The following TPD52 variants were observed in gnomAD, a reference collection of about 807,000 sequenced individuals.
The protein encoded by TPD52 is tumor protein D52.
TPD52 carries 17 observed loss-of-function variants against 31.3 expected under a neutral mutation model. That is an observed-to-expected ratio of 0.54 (90% CI 0.37 to 0.82). The LOEUF (loss-of-function observed/expected upper bound fraction) is 0.82. Ranked by LOEUF, TPD52 falls within the 40% of genes least tolerant of loss-of-function variation. The pLI is 0.00. For synonymous variants in TPD52, 83 were observed against 89.6 expected, an observed-to-expected ratio of 0.93 and a Z score of 0.42; for missense variants, 212 against 240.1, an observed-to-expected ratio of 0.88 and a Z score of 0.77.
chr8:80,128,360 A>G (rs540152339), intron 1 of TPD52, among the ~76,000 whole-genome samples: 10 of 152,140 alleles, frequency 6.6e-5, no homozygotes, highest in African/African-American at 2.2e-4. Flanking sequence ...TGAATAGATA[A>G]TAATTTATCA....
intron 1 of TPD52, among the ~76,000 whole-genome samples, chr8:80,068,844 G>A (rs959780378): frequency 6.6e-6 from 1 of 152,202 alleles, no homozygotes; most frequent in East Asian, 1.9e-4. Context: ...TTACATCTTT[G>A]AGATGCACTG....
intron 1 of TPD52, among the ~76,000 whole-genome samples, chr8:80,143,481 T>C (rs1043676758): frequency 6.6e-6 from 1 of 152,202 alleles, no homozygotes; most frequent in South Asian, 2.1e-4. Context: ...TCATTAAAAC[T>C]TGGCAGGAAG....
At chr8:80,102,128 C>T (rs559756131) in intron 1 of TPD52, among the ~76,000 whole-genome samples, 1 of 152,208 alleles carries the variant, frequency 6.6e-6, no homozygotes, top group Non-Finnish European at 1.5e-5. Context: ...AAACATTGAA[C>T]ATTTACCATC....
rs1812911731 is a variant in TPD52, at chr8:80,064,547, A to G, written c.66T>C (p.Ala22=). ...GGGTCTCTGTGGCACTGATCGTGGC[A>G]GCAACATCTTCTCCTTCCTCAGGGA... ...DPVPEEGEDV[A]ATISATETLS... The change falls in exon 2 of 8, where the codon GCT becomes GCC. Residue 22 remains alanine, a synonymous_variant. Coordinates refer to ENST00000518937, the MANE Select transcript of TPD52 (RefSeq NM_001025253.3). 3.7e-6 allele frequency: 6 copies of G among 1,614,082 alleles called. No individual in the cohort carries two copies. The highest frequency in any genetic ancestry group is 5.1e-6 in the Non-Finnish European group (6 of 1,180,032).
chr8:80,070,384 C>T (rs1413087467), intron 1 of TPD52, among the ~76,000 whole-genome samples: 1 of 151,976 alleles, frequency 6.6e-6, no homozygotes, highest in Admixed American at 6.6e-5. Context: ...GTCAGCAGTC[C>T]CCAGTGTTTT....
intron 1 of TPD52, among the ~76,000 whole-genome samples, chr8:80,142,300 C>CT (rs1809885813): frequency 2.0e-5 from 3 of 152,158 alleles, no homozygotes; most frequent in Non-Finnish European, 4.4e-5. Flanking sequence ...TCATCTACCC[C>CT]GTACCTGTGT....
intron 1 of TPD52, among the ~76,000 whole-genome samples, chr8:80,140,950 C>CGTGTGTGTGTGTGTGTGTGTGT (rs142097159): frequency 5.4e-4 from 77 of 143,770 alleles, no homozygotes; most frequent in Middle Eastern, 3.6e-3. Context: ...CAATACAACT[C>CGTGTGTGTGTGTGTGTGTGTGT]GTGTGTGTGT....
chr8:80,161,992 G>A (rs929521985), intron 1 of TPD52, among the ~76,000 whole-genome samples: 4 of 152,100 alleles, frequency 2.6e-5, no homozygotes, highest in Non-Finnish European at 5.9e-5. Flanking sequence ...GCCTCCCAAA[G>A]TGCTGGGATT....
intron 1 of TPD52, among the ~76,000 whole-genome samples, chr8:80,139,652 G>C (rs937330015): frequency 1.6e-4 from 24 of 151,980 alleles, no homozygotes; most frequent in Non-Finnish European, 3.2e-4. Flanking sequence ...GTGAGGGCGG[G>C]GAAGGGGTTG....
intron 3 of TPD52, 35 bp downstream of exon 3, chr8:80,053,247 A>G (rs202052649): frequency 5.3e-5 from 85 of 1,607,160 alleles, no homozygotes; most frequent in Non-Finnish European, 7.1e-5. Context: ...TGTCCTTTAC[A>G]CTCCCAAGGA....
intron 1 of TPD52, among the ~76,000 whole-genome samples, chr8:80,124,363 G>A (rs145006424): frequency 0.011 from 1,659 of 152,152 alleles, 10 homozygotes; most frequent in Non-Finnish European, 0.016. Flanking sequence ...ATTAGAGATG[G>A]GGTTTTGCCA....
intron 1 of TPD52, among the ~76,000 whole-genome samples, chr8:80,169,331 C>T (rs1244507947): frequency 6.6e-6 from 1 of 152,166 alleles, no homozygotes; most frequent in Non-Finnish European, 1.5e-5. Flanking sequence ...TGAACTGACC[C>T]TCCCAAGGCA....
In TPD52 at chr8:80,133,923, TAAG is replaced by T. The variant is rs534292885; in HGVS notation, c.19+37499_19+37501del. ...AAGTTTATATTGTAGCAAGTCAGAA[TAAG>T]AAGAAGATACAGAGGACTAGAAGTC... On this transcript the variant is annotated intron_variant, in intron 1 of 7. Transcript: ENST00000518937. Among the ~76,000 whole-genome samples the T allele has an allele frequency of 1.9e-3, 296 of 152,024 alleles. 1 individual carries two copies. Among genetic ancestry groups the T allele is most frequent in the Non-Finnish European group, 3.7e-3 (252 of 67,934 alleles).
At chr8:80,126,224 A>G (rs1808585180) in intron 1 of TPD52, among the ~76,000 whole-genome samples, 1 of 152,222 alleles carries the variant, frequency 6.6e-6, no homozygotes, top group Admixed American at 6.5e-5. Flanking sequence ...ATTATGAATT[A>G]CATACTATTT....
intron 1 of TPD52, among the ~76,000 whole-genome samples, chr8:80,155,595 C>T (rs971654302): frequency 3.9e-5 from 6 of 152,086 alleles, no homozygotes; most frequent in East Asian, 1.9e-4. Context: ...ATAGAAAATA[C>T]GGAAAGGGCC....
intron 1 of TPD52, among the ~76,000 whole-genome samples, chr8:80,164,396 T>C (rs1177480715): frequency 6.6e-6 from 1 of 152,230 alleles, no homozygotes; most frequent in Non-Finnish European, 1.5e-5. Flanking sequence ...CATTAGTCAA[T>C]GAATGGTGTT....
chr8:80,090,151 G>T (rs1031749105), intron 1 of TPD52, among the ~76,000 whole-genome samples: 2 of 152,174 alleles, frequency 1.3e-5, no homozygotes, highest in Non-Finnish European at 2.9e-5. Flanking sequence ...CAGAACTCTG[G>T]GAGGCTGAGG....
intron 1 of TPD52, among the ~76,000 whole-genome samples, chr8:80,090,079 C>T (rs1007656719): frequency 1.3e-5 from 2 of 151,906 alleles, no homozygotes; most frequent in Non-Finnish European, 2.9e-5. Context: ...AGGGAAGAAG[C>T]GAATGAAAAG....
At chr8:80,069,769 T>C (rs1223109994) in intron 1 of TPD52, among the ~76,000 whole-genome samples, 1 of 152,176 alleles carries the variant, frequency 6.6e-6, no homozygotes, top group Non-Finnish European at 1.5e-5. Context: ...TTGGATTTGA[T>C]GAAATACAAC....
Sources: allele counts gnomAD v4.1 joint callset (sites outside exome capture counted in the v4.1 genomes callset), GRCh38; gene constraint gnomAD v4.1.1; transcripts MANE v1.5; gene names NCBI Gene and HGNC (gene_info 2026-07-23, HGNC 2026-07-21).